JAZF1: variants seen among roughly 807,000 people sequenced by gnomAD.
JAZF1 encodes juxtaposed with another zinc finger protein 1.
In JAZF1, 8 loss-of-function variants were observed where a neutral mutation model predicts 26.4. The observed-to-expected ratio is 0.30, with a 90% CI of 0.18 to 0.55. The LOEUF is 0.55. Ranked by LOEUF, JAZF1 falls within the 20% of genes least tolerant of loss-of-function variation. JAZF1 has a pLI of 0.94. For synonymous variants in JAZF1, 126 were observed against 122.3 expected (o/e 1.03, Z -0.20); for missense variants, 199 against 322.0 (o/e 0.62, Z 2.92).
chr7:28,044,319 G>C (rs1008265737), intron 1 of JAZF1, among the ~76,000 whole-genome samples: 3 of 151,990 alleles, frequency 2.0e-5, no homozygotes, highest in African/African-American at 4.8e-5. Flanking sequence ...TATGAACCTT[G>C]AACAAAGGCA....
At chr7:27,959,108 T>C (rs771814258) in intron 2 of JAZF1, among the ~76,000 whole-genome samples, 2 of 152,202 alleles carry the variant, frequency 1.3e-5, no homozygotes, top group Non-Finnish European at 2.9e-5. Context: ...TTATCTTTAC[T>C]TTGCAGATGA....
chr7:27,903,477 G>A (rs1784200946), intron 2 of JAZF1, among the ~76,000 whole-genome samples: 1 of 152,216 alleles, frequency 6.6e-6, no homozygotes, highest in Non-Finnish European at 1.5e-5. Flanking sequence ...TTACAGGCGT[G>A]AGCCACTGTG....
intron 1 of JAZF1, among the ~76,000 whole-genome samples, chr7:28,009,523 G>A (rs1354225074): frequency 2.8e-5 from 4 of 141,628 alleles, no homozygotes; most frequent in Admixed American, 7.0e-5. Context: ...TCGCTCTGTC[G>A]CCCAGGCTGG....
At chr7:28,128,167 T>C (rs555054306) in intron 1 of JAZF1, among the ~76,000 whole-genome samples, 36 of 152,244 alleles carry the variant, frequency 2.4e-4, no homozygotes, top group Middle Eastern at 3.4e-3. Flanking sequence ...ATCTTCTAGG[T>C]CAGTGGTTCC....
At position 27,831,164 on chromosome 7, in the gene JAZF1, G is replaced by T. The variant is rs180712662; in HGVS notation, c.*1636C>A. 6.1e-4 allele frequency: 137 copies of T among 223,412 alleles called. 1 individual carries two copies. The highest frequency in any genetic ancestry group is 1.4e-3 in the Middle Eastern group (1 of 704). The allele number at this position is 223,412 out of a possible 1,614,324, so 13.8% of individuals were successfully genotyped here. Reference sequence around the variant, plus strand: ...GATCTGAGGAAATTTTTAGAGGGCAGTGTTTTTATAAATACTTTGAATCCC... The same window carrying T: ...GATCTGAGGAAATTTTTAGAGGGCATTGTTTTTATAAATACTTTGAATCCC... On this transcript the variant is annotated 3_prime_UTR_variant, in exon 5 of 5. Transcript: ENST00000283928.
chr7:28,088,850 T>C (rs916951856), intron 1 of JAZF1, among the ~76,000 whole-genome samples: 6 of 152,244 alleles, frequency 3.9e-5, no homozygotes, highest in Non-Finnish European at 7.3e-5. Context: ...TCTCTCAGGA[T>C]AAATTCATTC....
intron 2 of JAZF1, among the ~76,000 whole-genome samples, chr7:27,974,096 C>CA (rs1287326002): frequency 1.3e-5 from 2 of 151,702 alleles, no homozygotes; most frequent in Non-Finnish European, 1.5e-5. Flanking sequence ...TAGTATGAAT[C>CA]AAAAAAAGAG....
At chr7:27,938,884 A>T (rs1784800593) in intron 2 of JAZF1, among the ~76,000 whole-genome samples, 1 of 150,504 alleles carries the variant, frequency 6.6e-6, no homozygotes, top group Admixed American at 6.6e-5. Flanking sequence ...CAAGCCATCT[A>T]CCCACCTTGG....
Position 28,033,386 on chromosome 7 carries a change from C to T in JAZF1, c.116-41405G>A, listed in dbSNP as rs202237475. Among the ~76,000 whole-genome samples the T allele has an allele frequency of 6.6e-5, 10 of 152,248 alleles. No individual in the cohort carries two copies. The East Asian group carries it at 1.9e-3, about 29-fold the overall frequency. ...GCTGGAATGGCAGCAGACTGTGGCT[C>T]TGATTAGAAATGAGACACTCCAGGA... On this transcript the variant is annotated intron_variant, in intron 1 of 4. Coordinates refer to ENST00000283928, the MANE Select transcript of JAZF1 (RefSeq NM_175061.4).
chr7:27,839,239 G>A (rs1275186911), intron 4 of JAZF1, among the ~76,000 whole-genome samples: 2 of 152,258 alleles, frequency 1.3e-5, no homozygotes, highest in South Asian at 2.1e-4. Flanking sequence ...CATGGCCGAG[G>A]TGCAAGACAC....
At chr7:28,004,859 G>C (rs1472761972) in intron 1 of JAZF1, among the ~76,000 whole-genome samples, 1 of 152,030 alleles carries the variant, frequency 6.6e-6, no homozygotes, top group East Asian at 1.9e-4. Context: ...CGCCATGTTG[G>C]CCAGGCTGGT....
intron 1 of JAZF1, among the ~76,000 whole-genome samples, chr7:28,020,966 T>C (rs1782997536): frequency 2.0e-5 from 3 of 152,182 alleles, no homozygotes; most frequent in Admixed American, 6.5e-5. Flanking sequence ...AAATTTCTTT[T>C]CACAACCATA....
At chr7:28,026,108 T>C (rs1004403102) in intron 1 of JAZF1, among the ~76,000 whole-genome samples, 2 of 152,114 alleles carry the variant, frequency 1.3e-5, no homozygotes, top group Non-Finnish European at 2.9e-5. Flanking sequence ...ACCTTCTAGC[T>C]TAAGGCCTAG....
chr7:27,864,678 G>T (rs1389544229), intron 3 of JAZF1, among the ~76,000 whole-genome samples: 4 of 152,146 alleles, frequency 2.6e-5, no homozygotes, highest in Non-Finnish European at 5.9e-5. Flanking sequence ...CCCATATGTT[G>T]TTTCAGGTCT....
chr7:27,834,737 C>T (rs961974994), intron 4 of JAZF1, among the ~76,000 whole-genome samples: 15 of 152,202 alleles, frequency 9.9e-5, no homozygotes, highest in Admixed American at 9.8e-4. Context: ...ACGTGTGTAT[C>T]CAGCCCAAGT....
At chr7:27,922,857 T>C (rs1784554721) in intron 2 of JAZF1, among the ~76,000 whole-genome samples, 1 of 152,192 alleles carries the variant, frequency 6.6e-6, no homozygotes, top group Admixed American at 6.5e-5. Flanking sequence ...TTCCTCACCC[T>C]GGCAGTAAAA....
intron 1 of JAZF1, among the ~76,000 whole-genome samples, chr7:28,101,785 C>T (rs1324929084): frequency 2.0e-5 from 3 of 151,844 alleles, no homozygotes; most frequent in South Asian, 2.1e-4. Context: ...TTTAAGTGTG[C>T]GCTTGGTGTA....
At chr7:28,020,969 C>T (rs949113662) in intron 1 of JAZF1, among the ~76,000 whole-genome samples, 1 of 152,164 alleles carries the variant, frequency 6.6e-6, no homozygotes, top group East Asian at 1.9e-4. Flanking sequence ...TTTCTTTTCA[C>T]AACCATACCC....
rs117536071 is a variant in JAZF1, at chr7:28,042,962, A to G, written c.116-50981T>C. Among the ~76,000 whole-genome samples the G allele has an allele frequency of 5.2e-3, 794 of 152,338 alleles. 4 individuals carry two copies. The highest frequency in any genetic ancestry group is 0.014 in the Middle Eastern group (4 of 294). ...GAAAGTATTCCCATTGTTAAGTGAT[A>G]TATGACTGTATTCTACTAAGTACGT... On this transcript the variant is annotated intron_variant, in intron 1 of 4. Transcript: ENST00000283928.
Sources: allele counts gnomAD v4.1 joint callset (sites outside exome capture counted in the v4.1 genomes callset), GRCh38; gene constraint gnomAD v4.1.1; transcripts MANE v1.5; gene names NCBI Gene and HGNC (gene_info 2026-07-23, HGNC 2026-07-21).